The following DEFB112 variants were observed in gnomAD, a reference collection of about 807,000 sequenced individuals.
DEFB112 encodes defensin beta 112.
Under a neutral mutation model 1.1 loss-of-function variants are expected in DEFB112, and 2 were observed. That is an observed-to-expected ratio of 1.85 (90% CI 0.76 to 5.83). DEFB112 has a LOEUF of 5.83. DEFB112 is among the 30% of genes most tolerant of loss of function. The pLI, the probability that DEFB112 is intolerant of heterozygous loss-of-function variation, is 0.05. For synonymous variants in DEFB112, 40 were observed against 31.2 expected, an observed-to-expected ratio of 1.28 and a Z score of -0.93; for missense variants, 120 against 94.4, an observed-to-expected ratio of 1.27 and a Z score of -1.12.
At chr6:50,047,063 G>A (rs1378258035) in intron 1 of DEFB112, among the ~76,000 whole-genome samples, 2 of 152,152 alleles carry the variant, frequency 1.3e-5, no homozygotes, top group East Asian at 3.9e-4. Flanking sequence ...GGGATCCAGA[G>A]CCCAGGAACA....
chr6:50,048,784 G>A (rs1239122478), intron 1 of DEFB112: 1 of 589,434 alleles, frequency 1.7e-6, no homozygotes, highest in African/African-American at 1.9e-5. Context: ...TATTATAAAA[G>A]GTTTTACAAA....
chr6:50,043,583 G>T lies in DEFB112; in HGVS notation c.277C>A (p.Arg93Ser), dbSNP rs532132675. ...CTTGTGCATGGATTTCTTCAATGAC[G>T]TGAGTCTTTAGGGTACCATTCTTGA... The part of the protein sequence containing the change: ...GTQEWYPKDS[R>S]H Residue 93 changes from arginine (R) to serine (S), a missense_variant, in exon 2 of 2, where the codon CGT (arginine) becomes AGT (serine). Coordinates refer to ENST00000651554, the MANE Select transcript of DEFB112 (RefSeq NM_001369057.2). The T allele has an allele frequency of 6.2e-7, 1 of 1,611,844 alleles. No homozygotes were observed. The highest frequency in any genetic ancestry group is 1.7e-5 in the Admixed American group (1 of 59,840).
chr6:50,043,648 G>A lies in DEFB112; in HGVS notation c.212C>T (p.Thr71Met), dbSNP rs144227676. The change falls in exon 2 of 2, where the codon ACG becomes ATG. Residue 71 changes from threonine to methionine, a missense_variant. Physicochemically the swap from Thr to Met is moderately conservative, Grantham distance 81 (BLOSUM62 -1). Coordinates refer to ENST00000651554, the MANE Select transcript of DEFB112 (RefSeq NM_001369057.2). ...THCCVTECDP[T>M]DPNNWIPKDS... Reference sequence around the variant, plus strand: ...CTTTGGGATCCAATTATTTGGGTCCGTAGGGTCACATTCTGTCACGCAGCA... The same window carrying A: ...CTTTGGGATCCAATTATTTGGGTCCATAGGGTCACATTCTGTCACGCAGCA... The A allele has an allele frequency of 3.6e-4, 586 of 1,613,474 alleles. 7 individuals are homozygous for A. In the African/African-American group the frequency reaches 4.8e-3, roughly 13 times the overall value.
intron 1 of DEFB112, among the ~76,000 whole-genome samples, chr6:50,046,252 T>TGTGTGTGC (rs1774831816): frequency 2.6e-5 from 4 of 151,774 alleles, no homozygotes; most frequent in South Asian, 2.1e-4. Flanking sequence ...TGTGTGTGTG[T>TGTGTGTGC]GTGTGTGTAT....
intron 1 of DEFB112, among the ~76,000 whole-genome samples, chr6:50,046,947 G>C (rs867613489): frequency 6.6e-6 from 1 of 152,170 alleles, no homozygotes; most frequent in Non-Finnish European, 1.5e-5. Flanking sequence ...ATCCACCGAG[G>C]CTGGCCTCGG....
At position 50,043,486 on chromosome 6, in the gene DEFB112, C is replaced by A; in HGVS notation, c.*89G>T. The A allele has an allele frequency of 1.2e-6, 1 of 851,162 alleles. No individual in the cohort carries two copies. 52.7% of individuals were successfully genotyped at this position (851,162 alleles called of 1,614,324 possible). The stretch of plus-strand genomic sequence containing the variant: ...TAATTATTTATTCATTATAGGTATG[C>A]ATGCATGGAAATTATAGGTCATTAA... On this transcript the variant is annotated 3_prime_UTR_variant, in exon 2 of 2. Coordinates refer to ENST00000651554, the MANE Select transcript of DEFB112 (RefSeq NM_001369057.2).
At position 50,042,983 on chromosome 6, in the gene DEFB112, A is replaced by T. The variant is rs1412972515; in HGVS notation, c.*592T>A. ...CACATTATCGTTATTGCCACAAGCT[A>T]CAGGGATTTACCATTCTTCTTTTCC... On this transcript the variant is annotated 3_prime_UTR_variant, in exon 2 of 2. Transcript: ENST00000651554. 6.6e-6 allele frequency among the ~76,000 whole-genome samples: 1 copy of T among 152,088 alleles called. No homozygotes were observed. The highest frequency in any genetic ancestry group is 1.5e-5 in the Non-Finnish European group (1 of 67,958).
At chr6:50,045,787 T>C (rs1423356074) in intron 1 of DEFB112, among the ~76,000 whole-genome samples, 1 of 152,150 alleles carries the variant, frequency 6.6e-6, no homozygotes, top group Non-Finnish European at 1.5e-5. Flanking sequence ...TTTAGGCAAC[T>C]GTAACATAAT....
intron 1 of DEFB112, among the ~76,000 whole-genome samples, chr6:50,044,697 A>G (rs558287012): frequency 1.6e-4 from 25 of 152,122 alleles, no homozygotes; most frequent in African/African-American, 5.8e-4. Flanking sequence ...AAATTAATTA[A>G]AAAGTTTAAT....
intron 1 of DEFB112, among the ~76,000 whole-genome samples, chr6:50,047,074 C>G (rs1774847433): frequency 6.6e-6 from 1 of 152,288 alleles, no homozygotes; most frequent in African/African-American, 2.4e-5. Context: ...CCCAGGAACA[C>G]TGGGGCCAGC....
intron 1 of DEFB112, among the ~76,000 whole-genome samples, chr6:50,045,167 G>C (rs549309539): frequency 6.6e-6 from 1 of 152,114 alleles, no homozygotes; most frequent in Non-Finnish European, 1.5e-5. Context: ...TATTTACCCT[G>C]AGATATGAAA....
In DEFB112 at chr6:50,049,832, A is replaced by G. The variant is rs1774896440; in HGVS notation, c.38T>C (p.Phe13Ser). ...ATTACCTGGTGGAATAAGGACTCCA[A>G]AGAAAAGCAAAATACAGAAAAAGAG... ...ILLFFCILLF[F>S]GVLIPPARSE... Residue 13 changes from phenylalanine to serine, a missense_variant, in exon 1 of 2, where the codon TTT becomes TCT. Transcript: ENST00000651554. Among the ~76,000 whole-genome samples, 1 of 152,224 alleles carries G rather than the reference A, an allele frequency of 6.6e-6. No homozygotes were observed. The highest frequency in any genetic ancestry group is 2.1e-4 in the South Asian group (1 of 4,826).
rs1281536933 is a variant in DEFB112, at chr6:50,043,872, G to T, written c.59-71C>A. ...CTCCCAAGATTTAAAAGAAGACATG[G>T]GAGTAATCACAGACAACAGAGGAGA... On this transcript the variant is annotated intron_variant, in intron 1 of 1. Transcript: ENST00000651554. The T allele has an allele frequency of 8.5e-6, 11 of 1,295,136 alleles. No individual in the cohort carries two copies. The African/African-American group carries it at 1.6e-4, about 19-fold the overall frequency. 80.2% of individuals were successfully genotyped at this position (1,295,136 alleles called of 1,614,324 possible).
rs147546237 is a variant in DEFB112, at chr6:50,048,653, A to C, written c.58+1159T>G. 4.4e-4 allele frequency: 712 copies of C among 1,602,324 alleles called. 1 individual carries two copies. Among genetic ancestry groups the C allele is most frequent in the Non-Finnish European group, 5.3e-4 (620 of 1,169,908 alleles). On this transcript the variant is annotated intron_variant, in intron 1 of 1. Coordinates refer to ENST00000651554, the MANE Select transcript of DEFB112 (RefSeq NM_001369057.2). Reference sequence around the variant, plus strand: ...ACATATGGTTGTCAATAATTTCATAAGAGTGCTAAGAGGTTGTTAAGAGCT... The same window carrying C: ...ACATATGGTTGTCAATAATTTCATACGAGTGCTAAGAGGTTGTTAAGAGCT...
chr6:50,049,459 C>T (rs1361147083), intron 1 of DEFB112, among the ~76,000 whole-genome samples: 2 of 152,104 alleles, frequency 1.3e-5, no homozygotes, highest in Admixed American at 1.3e-4. Flanking sequence ...ATAACTTTCC[C>T]AGTTTTTTCT....
At chr6:50,048,553 T>G in intron 1 of DEFB112, 1 of 1,613,420 alleles carries the variant, frequency 6.2e-7, no homozygotes. Flanking sequence ...TGATTTTCTC[T>G]GTCCCATGTC....
At chr6:50,044,262 C>T (rs376363167) in intron 1 of DEFB112, among the ~76,000 whole-genome samples, 2 of 152,128 alleles carry the variant, frequency 1.3e-5, no homozygotes, top group East Asian at 1.9e-4. Flanking sequence ...CCTTAAATAT[C>T]TCATCTCCTC....
At position 50,049,125 on chromosome 6, in the gene DEFB112, C is replaced by T. The variant is rs190447123; in HGVS notation, c.58+687G>A. On this transcript the variant is annotated intron_variant, in intron 1 of 1. Coordinates refer to ENST00000651554, the MANE Select transcript of DEFB112 (RefSeq NM_001369057.2). ...TTACATTATTAACTGAAGTTCACCT[C>T]CTTGTCCCCTTTTGGTGAGAAATTA... Among the ~76,000 whole-genome samples the T allele has an allele frequency of 4.7e-3, 721 of 152,196 alleles. 2 individuals are homozygous for T. The highest frequency in any genetic ancestry group is 7.9e-3 in the Non-Finnish European group (535 of 67,956).
intron 1 of DEFB112, among the ~76,000 whole-genome samples, chr6:50,046,380 C>A (rs1308362449): frequency 2.6e-5 from 4 of 152,044 alleles, no homozygotes; most frequent in African/African-American, 9.7e-5. Flanking sequence ...ATAGCATTCA[C>A]TTTATCTAAT....
Sources: allele counts gnomAD v4.1 joint callset (sites outside exome capture counted in the v4.1 genomes callset), GRCh38; gene constraint gnomAD v4.1.1; transcripts MANE v1.5; gene names NCBI Gene and HGNC (gene_info 2026-07-23, HGNC 2026-07-21).